BRD1: variants seen among roughly 807,000 people sequenced by gnomAD.
BRD1 encodes bromodomain containing 1.
A neutral mutation model predicts 107.7 loss-of-function variants in BRD1; 24 were observed. The observed-to-expected ratio is 0.22, with a 90% CI of 0.16 to 0.31. The LOEUF is 0.31. Among genes scored for constraint, BRD1 ranks in the 10% least tolerant of loss-of-function variants. The pLI, the probability that BRD1 is intolerant of heterozygous loss-of-function variation, is 1.00. For synonymous variants in BRD1, 744 were observed against 686.1 expected, an observed-to-expected ratio of 1.08 and a Z score of -1.32; for missense variants, 1,279 against 1,638.6, an observed-to-expected ratio of 0.78 and a Z score of 3.79.
At chr22:49,826,120 G>C in intron 1 of BRD1, 1 of 963,248 alleles carries the variant, frequency 1.0e-6, no homozygotes, top group Non-Finnish European at 1.2e-6. Context: ...TCATTACTGA[G>C]GTGGGGCAGA....
intron 2 of BRD1, among the ~76,000 whole-genome samples, chr22:49,810,275 T>G (rs1475768805): frequency 5.3e-5 from 8 of 152,114 alleles, no homozygotes; most frequent in Admixed American, 5.2e-4. Flanking sequence ...TCCCAGCACT[T>G]TGGGATGCCA....
At chr22:49,818,387 G>T in intron 2 of BRD1, 1 of 1,188,640 alleles carries the variant, frequency 8.4e-7, no homozygotes, top group Non-Finnish European at 1.1e-6. Context: ...GATGAACCTA[G>T]GAGTTTTGTT....
intron 8 of BRD1, among the ~76,000 whole-genome samples, chr22:49,785,339 G>A (rs1049859452): frequency 3.3e-5 from 5 of 152,244 alleles, no homozygotes; most frequent in Non-Finnish European, 5.9e-5. Flanking sequence ...GGCCGGCAGG[G>A]CCTCCACGCA....
At chr22:49,817,343 TTTC>T in intron 2 of BRD1, 1 of 196,554 alleles carries the variant, frequency 5.1e-6, no homozygotes, top group Non-Finnish European at 1.1e-5. Flanking sequence ...CAGAAGGAAC[TTTC>T]TTCATGTGAG....
In BRD1 at chr22:49,799,239, T is replaced by C. The variant is rs898173412; in HGVS notation, c.1525-120A>G. ...CGTCAGGGGTCCTGCAGGCCCATCC[T>C]GGGGAGGACAACAGACCACCCTCAC... On this transcript the variant is annotated intron_variant, in intron 3 of 12. Transcript: ENST00000404760. 44 of 1,370,360 alleles carry C rather than the reference T, an allele frequency of 3.2e-5. 1 individual carries two copies. Among genetic ancestry groups the C allele is most frequent in the Non-Finnish European group, 4.0e-5 (40 of 1,007,260 alleles). 84.9% of individuals were successfully genotyped at this position (1,370,360 alleles called of 1,614,324 possible). A position where few individuals can be genotyped will look rare whatever the true frequency, so the allele number is the denominator to read the frequency against.
At chr22:49,785,123 G>A (rs752684448) in intron 8 of BRD1, among the ~76,000 whole-genome samples, 4 of 152,260 alleles carry the variant, frequency 2.6e-5, no homozygotes, top group Admixed American at 6.5e-5. Flanking sequence ...ACAGTGGCCC[G>A]GAGGGGACAC....
At position 49,777,796 on chromosome 22, in the gene BRD1, C is replaced by T. The variant is rs774464485; in HGVS notation, c.2875G>A (p.Gly959Arg). The stretch of plus-strand genomic sequence containing the variant: ...GGCTCCTGCTCGCTCCTCGCACCCC[C>T]AAAGCCGTTGGTGAGACCTGGAACA... ...RLDAGLTNGF[G>R]GARSEQEPGG... Residue 959 changes from glycine (G) to arginine (R), a missense_variant, in exon 9 of 13, where the codon GGG becomes AGG. By Grantham distance (125) the Gly-to-Arg change is moderately radical (BLOSUM62 -2). This residue lies in a region of BRD1 where 263 missense variants were observed against 251.6 expected (regional missense o/e 1.05). Coordinates refer to ENST00000404760, the MANE Select transcript of BRD1 (RefSeq NM_001304808.3). 1 of 1,602,422 alleles carries T rather than the reference C, an allele frequency of 6.2e-7. No homozygotes were observed. Among genetic ancestry groups the T allele is most frequent in the Non-Finnish European group, 8.5e-7 (1 of 1,177,866 alleles).
In BRD1 at chr22:49,823,526, C is replaced by T. The variant is rs112769405; in HGVS notation, c.792G>A (p.Ser264=). 4.4e-6 allele frequency: 7 copies of T among 1,600,826 alleles called. No individual in the cohort carries two copies. The highest frequency in any genetic ancestry group is 3.3e-5 in the South Asian group (3 of 90,764). The change falls in exon 2 of 13, where the codon TCG becomes TCA. Residue 264 remains serine (S), a synonymous_variant. Coordinates refer to ENST00000404760, the MANE Select transcript of BRD1 (RefSeq NM_001304808.3). ...GCACACAGTCGGCGGGCCGGGCCCG[C>T]GACTGCAGGCAGTGGCGGCAGAGCC... ...GQWLCRHCLQ[S]RARPADCVLC...
In BRD1 at chr22:49,798,548, A is replaced by C; in HGVS notation, c.1785+10T>G. ...ATGCGGCAGGACAGACGAGCGCCGC[A>C]AACACCCACCTCCTTCAGACTCACG... On this transcript the variant is annotated intron_variant, in intron 5 of 12. Coordinates refer to ENST00000404760, the MANE Select transcript of BRD1 (RefSeq NM_001304808.3). 6.2e-7 allele frequency: 1 copy of C among 1,614,152 alleles called. No homozygotes were observed. Among genetic ancestry groups the C allele is most frequent in the Non-Finnish European group, 8.5e-7 (1 of 1,180,024 alleles).
Position 49,824,478 on chromosome 22 carries a change from C to T in BRD1, c.-14-147G>A. On this transcript the variant is annotated intron_variant, in intron 1 of 12. Coordinates refer to ENST00000404760, the MANE Select transcript of BRD1 (RefSeq NM_001304808.3). This position sits in a 1 kb window ranked among gnomAD's most constrained non-coding sequence, Gnocchi z 5.9. ...ACAGCTAACCTCTTTCCAAGGTGTC[C>T]AAAACCACACATCCAGGCCTGAGCG... 1 of 1,443,162 alleles carries T rather than the reference C, an allele frequency of 6.9e-7. No individual in the cohort carries two copies. Among genetic ancestry groups the T allele is most frequent in the Non-Finnish European group, 9.0e-7 (1 of 1,105,486 alleles). 89.4% of individuals were successfully genotyped at this position (1,443,162 alleles called of 1,614,324 possible).
intron 2 of BRD1, among the ~76,000 whole-genome samples, chr22:49,810,867 T>C (rs542097402): frequency 4.8e-4 from 73 of 152,180 alleles, no homozygotes; most frequent in African/African-American, 1.6e-3. Flanking sequence ...CTAAACAGCA[T>C]TACCACATGA....
At position 49,773,489 on chromosome 22, in the gene BRD1, A is replaced by C. The variant is rs2059026834; in HGVS notation, c.*744T>G. The C allele has an allele frequency of 6.6e-6, 1 of 152,608 alleles. No homozygotes were observed. Among genetic ancestry groups the C allele is most frequent in the East Asian group, 1.9e-4 (1 of 5,206 alleles). The allele number at this position is 152,608 out of a possible 1,614,324, so 9.5% of individuals were successfully genotyped here. ...CAAGTTACAGAAAGCCCCTCATTGT[A>C]AACAAAAGATTACAAGTTATAAAAT... On this transcript the variant is annotated 3_prime_UTR_variant, in exon 13 of 13. Transcript: ENST00000404760.
chr22:49,801,174 C>T (rs1481255635), intron 3 of BRD1, among the ~76,000 whole-genome samples: 1 of 152,226 alleles, frequency 6.6e-6, no homozygotes, highest in African/African-American at 2.4e-5. Flanking sequence ...GGGTGGGCCA[C>T]GGGAGCAGGA....
chr22:49,777,932 G>A (rs2059132518), intron 8 of BRD1, 119 bp from the exon 9 acceptor site: 2 of 1,358,334 alleles, frequency 1.5e-6, no homozygotes, highest in African/African-American at 2.9e-5. Context: ...AGGTAAGACA[G>A]CATCTTCCTT....
rs887197470 is a variant in BRD1 at position 49,824,989 on chromosome 22, G to C, written c.-14-658C>G. Reference sequence around the variant, plus strand: ...CACGGCACAGGGGACCAACAGGGGAGCCCTGTACTGGTCTGAGGGGACAGT... The same window carrying C: ...CACGGCACAGGGGACCAACAGGGGACCCCTGTACTGGTCTGAGGGGACAGT... On this transcript the variant is annotated intron_variant, in intron 1 of 12. Coordinates refer to ENST00000404760, the MANE Select transcript of BRD1 (RefSeq NM_001304808.3). This position sits in a 1 kb window ranked among gnomAD's most constrained non-coding sequence, Gnocchi z 5.9. Among the ~76,000 whole-genome samples, 8 of 152,100 alleles carry C rather than the reference G, an allele frequency of 5.3e-5. No individual in the cohort carries two copies. Among genetic ancestry groups the C allele is most frequent in the African/African-American group, 1.9e-4 (8 of 41,414 alleles).
At chr22:49,815,315 G>C (rs1257860750) in intron 2 of BRD1, among the ~76,000 whole-genome samples, 1 of 152,152 alleles carries the variant, frequency 6.6e-6, no homozygotes, top group African/African-American at 2.4e-5. Context: ...AAGGCAGGCG[G>C]ATTACCTTAG....
chr22:49,801,644 C>T (rs1244927244), intron 3 of BRD1, among the ~76,000 whole-genome samples: 5 of 152,224 alleles, frequency 3.3e-5, no homozygotes, highest in African/African-American at 1.2e-4. Flanking sequence ...CAGGTGACTT[C>T]GAGAAGCTGC....
intron 12 of BRD1, 187 bp downstream of exon 12, chr22:49,775,404 G>T: frequency 2.0e-6 from 1 of 505,302 alleles, no homozygotes; most frequent in Non-Finnish European, 3.2e-6. Context: ...CCGTCCCACA[G>T]TCCCGGCGAG....
rs746415215 is a variant in BRD1, at chr22:49,776,031, C to T, written c.3231+19G>A. 1 of 1,545,270 alleles carries T rather than the reference C, an allele frequency of 6.5e-7. No individual in the cohort carries two copies. Among genetic ancestry groups the T allele is most frequent in the East Asian group, 2.3e-5 (1 of 43,680 alleles). On this transcript the variant is annotated intron_variant, in intron 11 of 12. Transcript: ENST00000404760. ...TGAGCCTCCTCTGGACCCGCAGGCG[C>T]CACGAGAGCCGTACTCACCAGTGCC...
Sources: gnomAD v4.1 joint callset for allele counts (sites outside exome capture counted in the v4.1 genomes callset) on GRCh38, gnomAD v4.1.1 for gene constraint, gnomAD v4.1.1 regional missense constraint, Gnocchi (gnomAD v3.1) non-coding constraint, MANE v1.5 for transcripts, NCBI Gene and HGNC (gene_info 2026-07-23, HGNC 2026-07-21) for gene names.